SCAMP4: variants seen among roughly 807,000 people sequenced by gnomAD.
SCAMP4 encodes the protein secretory carrier membrane protein 4, also known as secretory carrier-associated membrane protein 4.
In SCAMP4, 19 loss-of-function variants were observed where a neutral mutation model predicts 32.1. The observed-to-expected ratio is 0.59, with a 90% CI of 0.41 to 0.87. SCAMP4 has a LOEUF of 0.87. Ranked by LOEUF, SCAMP4 falls within the 40% of genes least tolerant of loss-of-function variation. The pLI, the probability that SCAMP4 is intolerant of heterozygous loss-of-function variation, is 0.00. For synonymous variants in SCAMP4, 152 were observed against 132.7 expected (o/e 1.15, Z -1.00); for missense variants, 302 against 309.0 (o/e 0.98, Z 0.17).
chr19:1,919,350 T>C lies in SCAMP4; in HGVS notation c.395+360T>C, dbSNP rs1325377552. On this transcript the variant is annotated intron_variant, in intron 5 of 6. Transcript: ENST00000316097. ...CTGCTGATGTTTCTGCACGGATCGCTGCAGGAGGAAGACCTGTACATCTGT... is the reference window on the plus strand; with the variant it reads ...CTGCTGATGTTTCTGCACGGATCGCCGCAGGAGGAAGACCTGTACATCTGT... The C allele has an allele frequency of 2.6e-6, 3 of 1,135,472 alleles. No homozygotes were observed. In the African/African-American group the frequency reaches 4.7e-5, roughly 18 times the overall value. The allele number at this position is 1,135,472 out of a possible 1,614,324, so 70.3% of individuals were successfully genotyped here.
chr19:1,920,979 G>A (rs1162942901), intron 5 of SCAMP4: 1 of 985,278 alleles, frequency 1.0e-6, no homozygotes. Context: ...GAGAAGCTGA[G>A]CATGCGGTCC....
chr19:1,923,052 C>T lies in SCAMP4; in HGVS notation c.396-18C>T, dbSNP rs369843359. 6 of 1,529,392 alleles carry T rather than the reference C, an allele frequency of 3.9e-6. No homozygotes were observed. Among genetic ancestry groups the T allele is most frequent in the African/African-American group, 2.8e-5 (2 of 72,378 alleles). The allele number at this position is 1,529,392 out of a possible 1,614,324, so 94.7% of individuals were successfully genotyped here. On this transcript the variant is annotated intron_variant, in intron 5 of 6. Transcript: ENST00000316097. ...CAGCAGGTGTGCAGGCACCCACGCA[C>T]TCTCTTGTCCCTTGCAGCGGCTGGC...
chr19:1,922,782 A>G (rs1599257508), intron 5 of SCAMP4: 1 of 1,084,138 alleles, frequency 9.2e-7, no homozygotes, highest in Non-Finnish European at 1.1e-6. Context: ...CGCACAGCCC[A>G]CTGCTGCGAT....
intron 1 of SCAMP4, chr19:1,912,289 C>T: frequency 6.3e-7 from 1 of 1,575,118 alleles, no homozygotes; most frequent in Middle Eastern, 1.7e-4. Context: ...GAGGTGTCGG[C>T]CCTGCACCCG....
At chr19:1,922,978 A>C in intron 5 of SCAMP4, 92 bp from the exon 6 acceptor site, 2 of 1,412,822 alleles carry the variant, frequency 1.4e-6, no homozygotes, top group Non-Finnish European at 1.9e-6. Flanking sequence ...TTGATTGGCC[A>C]GAGCTCTTTA....
intron 5 of SCAMP4, 174 bp from the exon 6 acceptor site, chr19:1,922,896 G>A (rs1330305085): frequency 7.5e-6 from 10 of 1,338,918 alleles, no homozygotes; most frequent in African/African-American, 1.5e-5. Context: ...ACGCGTTGAA[G>A]TTGGTGCCTC....
chr19:1,905,633 T>TGCGCGC (rs201231677), intron 1 of SCAMP4, 194 bp downstream of exon 1: 34 of 159,288 alleles, frequency 2.1e-4, no homozygotes, highest in Admixed American at 4.0e-4. Context: ...CGAATGCGCG[T>TGCGCGC]GCGCGCGCGC....
At position 1,917,777 on chromosome 19, in the gene SCAMP4, G is replaced by A; in HGVS notation, c.91G>A (p.Val31Met). The A allele has an allele frequency of 2.5e-6, 4 of 1,614,036 alleles. No individual in the cohort carries two copies. In the South Asian group the frequency reaches 4.4e-5, roughly 18 times the overall value. ...FYQNFSDEIPVEHQVLVKRIY... is the reference protein window; with the variant it reads ...FYQNFSDEIPMEHQVLVKRIY... ...CCAGAACTTCTCCGACGAGATCCCA[G>A]TGGAGCACCAGGTCCTGGTGAAGAG... The change falls in exon 3 of 7, where the codon GTG becomes ATG. Residue 31 changes from valine to methionine, a missense_variant. Coordinates refer to ENST00000316097, the MANE Select transcript of SCAMP4 (RefSeq NM_079834.4).
intron 2 of SCAMP4, chr19:1,915,479 T>TG: frequency 4.8e-6 from 1 of 210,474 alleles, no homozygotes; most frequent in South Asian, 7.7e-5. Flanking sequence ...CAGAAGCTCC[T>TG]GGGGGGCTCC....
rs1440667245 is a variant in SCAMP4 at position 1,922,947 on chromosome 19, G to A, written c.396-123G>A. ...GTTTGTTGGCCACTTGGTCGTCCTT[G>A]TATGAGCTGTCCACTCCTTGTTGAT... On this transcript the variant is annotated intron_variant, in intron 5 of 6. Transcript: ENST00000316097. The A allele has an allele frequency of 2.9e-6, 4 of 1,365,006 alleles. No individual in the cohort carries two copies. The African/African-American group carries it at 6.0e-5, about 20-fold the overall frequency. 84.6% of individuals were successfully genotyped at this position (1,365,006 alleles called of 1,614,324 possible).
At chr19:1,917,914 C>T (rs1489805104) in intron 3 of SCAMP4, 92 bp downstream of exon 3, 3 of 1,534,900 alleles carry the variant, frequency 2.0e-6, no homozygotes, top group South Asian at 1.2e-5. Context: ...CCGTCGGGGG[C>T]CCACCGTCTA....
At chr19:1,917,859 G>A (rs1371352148) in intron 3 of SCAMP4, 37 bp downstream of exon 3, 1 of 1,611,492 alleles carries the variant, frequency 6.2e-7, no homozygotes, top group Non-Finnish European at 8.5e-7. Flanking sequence ...GGAAGCGGGA[G>A]GCAGGGCTCC....
intron 1 of SCAMP4, among the ~76,000 whole-genome samples, chr19:1,909,951 A>AG (rs999701136): frequency 8.5e-5 from 13 of 152,154 alleles, no homozygotes; most frequent in African/African-American, 2.9e-4. Flanking sequence ...TTGGCCGACT[A>AG]GGGGGCGAGT....
intron 5 of SCAMP4, among the ~76,000 whole-genome samples, chr19:1,919,933 C>G (rs1319047115): frequency 6.6e-6 from 1 of 152,036 alleles, no homozygotes; most frequent in African/African-American, 2.4e-5. Flanking sequence ...CCTCAGCCTC[C>G]CGAGTAGCTG....
At position 1,908,932 on chromosome 19, in the gene SCAMP4, C is replaced by T. The variant is rs1352469768; in HGVS notation, c.-42+3493C>T. On this transcript the variant is annotated intron_variant, in intron 1 of 6. Transcript: ENST00000316097. The surrounding 1 kb of genome is among the most constrained non-coding windows in gnomAD (Gnocchi z 4.2). ...CCAGCCTGGCCAACATGGTGGAACC[C>T]CGTCTCTACTGAAAATACAAAAATT... Among the ~76,000 whole-genome samples, 1 of 151,964 alleles carries T rather than the reference C, an allele frequency of 6.6e-6. No individual in the cohort carries two copies. The highest frequency in any genetic ancestry group is 1.5e-5 in the Non-Finnish European group (1 of 68,024).
chr19:1,924,571 C>T lies in SCAMP4; in HGVS notation c.*287C>T, dbSNP rs1338359762. 11 of 445,638 alleles carry T rather than the reference C, an allele frequency of 2.5e-5. No homozygotes were observed. The highest frequency in any genetic ancestry group is 1.4e-4 in the South Asian group (6 of 41,768). 27.6% of individuals were successfully genotyped at this position (445,638 alleles called of 1,614,324 possible). On this transcript the variant is annotated 3_prime_UTR_variant, in exon 7 of 7. Coordinates refer to ENST00000316097, the MANE Select transcript of SCAMP4 (RefSeq NM_079834.4). ...GTGTGGTCACCCGCCGTCCACTGCACGGCTGGTACGGCCTTGTCTTCAGGT... is the reference window on the plus strand; with the variant it reads ...GTGTGGTCACCCGCCGTCCACTGCATGGCTGGTACGGCCTTGTCTTCAGGT...
At chr19:1,912,908 C>G in intron 1 of SCAMP4, 1 of 1,609,152 alleles carries the variant, frequency 6.2e-7, no homozygotes, top group Non-Finnish European at 8.5e-7. Context: ...TGGACGCAGA[C>G]GAGGACGGCC....
In SCAMP4 at chr19:1,905,426, C is replaced by G; in HGVS notation, c.-55C>G. 1 of 463,324 alleles carries G rather than the reference C, an allele frequency of 2.2e-6. No individual in the cohort carries two copies. Among genetic ancestry groups the G allele is most frequent in the Non-Finnish European group, 4.5e-6 (1 of 223,758 alleles). The allele number at this position is 463,324 out of a possible 1,614,324, so 28.7% of individuals were successfully genotyped here. ...GACTTGGCGAAGCGCTGCGCTCGCG[C>G]CCGGATCCCTCAGGTAAGCGCGCGG... On this transcript the variant is annotated 5_prime_UTR_variant, in exon 1 of 7. Coordinates refer to ENST00000316097, the MANE Select transcript of SCAMP4 (RefSeq NM_079834.4).
rs557735261 is a variant in SCAMP4 at position 1,909,319 on chromosome 19, C to T, written c.-42+3880C>T. 5.0e-4 allele frequency among the ~76,000 whole-genome samples: 76 copies of T among 152,262 alleles called. No individual in the cohort carries two copies. In the Middle Eastern group the frequency reaches 0.01, roughly 20 times the overall value. On this transcript the variant is annotated intron_variant, in intron 1 of 6. Coordinates refer to ENST00000316097, the MANE Select transcript of SCAMP4 (RefSeq NM_079834.4). ...TGAGCAGTCCCTGCAGGCTGGCTGTCCCCACGCCTGCCTCTCTGCTGTGCT... is the reference window on the plus strand; with the variant it reads ...TGAGCAGTCCCTGCAGGCTGGCTGTTCCCACGCCTGCCTCTCTGCTGTGCT...
Sources: allele counts gnomAD v4.1 joint callset (sites outside exome capture counted in the v4.1 genomes callset), GRCh38; gene constraint gnomAD v4.1.1; non-coding constraint Gnocchi (gnomAD v3.1); transcripts MANE v1.5; gene names NCBI Gene and HGNC (gene_info 2026-07-23, HGNC 2026-07-21).